Variants in EXOC1 observed in about 807,000 individuals in gnomAD.
EXOC1 encodes the protein SEC3-like 1.
In EXOC1, 67 loss-of-function variants were observed where a neutral mutation model predicts 107.7. The ratio of observed to expected loss-of-function variants is 0.62; its 90% CI spans 0.51 to 0.76. The LOEUF (loss-of-function observed/expected upper bound fraction) is 0.76, where lower values mean the gene tolerates loss of function less well. Ranked by LOEUF, EXOC1 falls within the 30% of genes least tolerant of loss-of-function variation. The probability of loss-of-function intolerance (pLI) is 0.00; values close to 1 mark genes in which losing one functional copy is unlikely to be tolerated. For missense variants in EXOC1, 833 were observed against 1,055.7 expected, an observed-to-expected ratio of 0.79 and a Z score of 2.92; for synonymous variants, 348 against 353.5, an observed-to-expected ratio of 0.98 and a Z score of 0.17.
chr4:55,883,987 A>G lies in EXOC1; in HGVS notation c.1330+59A>G, dbSNP rs937492305. On this transcript the variant is annotated intron_variant, in intron 10 of 18. Transcript: ENST00000381295. ...ATTAAAAATGGCTTTATTTATAACA[A>G]ATAATTCTAAGACTTCTTAAGCAAG... is the stretch of plus-strand genomic sequence containing the variant. 16 of 1,238,234 alleles carry G rather than the reference A, an allele frequency of 1.3e-5. No homozygotes were observed. In the African/African-American group the frequency reaches 2.3e-4, roughly 18 times the overall value. The allele number at this position is 1,238,234 out of a possible 1,614,324, so 76.7% of individuals were successfully genotyped here. A position where few individuals can be genotyped will look rare whatever the true frequency, so the allele number is the denominator to read the frequency against.
At chr4:55,879,294 C>A (rs1370974984) in intron 9 of EXOC1, among the ~76,000 whole-genome samples, 2 of 152,114 alleles carry the variant, frequency 1.3e-5, no homozygotes, top group Non-Finnish European at 2.9e-5. Context: ...GCTGAGTGTT[C>A]TAGAGAAAAT....
At chr4:55,855,327 G>A (rs77067179) in intron 1 of EXOC1, among the ~76,000 whole-genome samples, 1 of 152,148 alleles carries the variant, frequency 6.6e-6, no homozygotes. Flanking sequence ...GGGGGAAATC[G>A]CAGAATGTGG....
At chr4:55,866,896 C>T (rs904561182) in intron 4 of EXOC1, 1 of 984,964 alleles carries the variant, frequency 1.0e-6, no homozygotes, top group Non-Finnish European at 1.2e-6. Flanking sequence ...ACAGAAGGTG[C>T]GTAACACCTT....
intron 18 of EXOC1, 118 bp downstream of exon 18, chr4:55,902,656 A>G: frequency 1.5e-6 from 1 of 677,332 alleles, no homozygotes; most frequent in Non-Finnish European, 2.2e-6. Context: ...ATTAGAGTAC[A>G]GACCAGATTA....
intron 15 of EXOC1, among the ~76,000 whole-genome samples, chr4:55,894,217 C>A (rs903893852): frequency 6.6e-6 from 1 of 151,538 alleles, no homozygotes; most frequent in Admixed American, 6.6e-5. Flanking sequence ...TCCAACTACT[C>A]GGGAGGCTGA....
rs1420701796 is a variant in EXOC1 at position 55,904,294 on chromosome 4, T to C, written c.2533-49T>C. On this transcript the variant is annotated intron_variant, in intron 18 of 18. Coordinates refer to ENST00000381295, the MANE Select transcript of EXOC1 (RefSeq NM_001024924.2). ...TTGGCATTATTTCTGCATACTAGAT[T>C]ACATATTATTTCCATTCATAGCCTA... 5 of 1,531,476 alleles carry C rather than the reference T, an allele frequency of 3.3e-6. No homozygotes were observed. The South Asian group carries it at 6.4e-5, about 20-fold the overall frequency. The allele number at this position is 1,531,476 out of a possible 1,614,324, so 94.9% of individuals were successfully genotyped here. A position where few individuals can be genotyped will look rare whatever the true frequency, so the allele number is the denominator to read the frequency against.
chr4:55,861,819 C>T (rs961626618), intron 3 of EXOC1, among the ~76,000 whole-genome samples: 15 of 152,166 alleles, frequency 9.9e-5, no homozygotes, highest in African/African-American at 2.7e-4. Context: ...TTTGGGAGGC[C>T]GAGGCTGGTG....
intron 3 of EXOC1, among the ~76,000 whole-genome samples, chr4:55,862,002 C>T (rs1721520899): frequency 2.0e-5 from 3 of 151,830 alleles, no homozygotes; most frequent in Admixed American, 6.6e-5. Context: ...TGCAGTGAGC[C>T]GAGATTGCGC....
In EXOC1 at chr4:55,883,576, G is replaced by T. The variant is rs148347192; in HGVS notation, c.1225-247G>T. 2.3e-5 allele frequency: 7 copies of T among 305,342 alleles called. No homozygotes were observed. The South Asian group carries it at 2.5e-4, about 11-fold the overall frequency. 18.9% of individuals were successfully genotyped at this position (305,342 alleles called of 1,614,324 possible). ...CAGTGATATTTAAAATATGCAAAAG[G>T]TAATATAGAAAAATGAAAATATAAA... On this transcript the variant is annotated intron_variant, in intron 9 of 18. Coordinates refer to ENST00000381295, the MANE Select transcript of EXOC1 (RefSeq NM_001024924.2).
At chr4:55,892,592 T>C in intron 13 of EXOC1, 43 bp from the exon 14 acceptor site, 1 of 1,553,098 alleles carries the variant, frequency 6.4e-7, no homozygotes, top group South Asian at 1.1e-5. Context: ...CTAGTCAAAT[T>C]GTTGGTCTTT....
At chr4:55,892,389 G>A (rs959233066) in intron 13 of EXOC1, among the ~76,000 whole-genome samples, 11 of 152,034 alleles carry the variant, frequency 7.2e-5, no homozygotes, top group African/African-American at 2.4e-4. Flanking sequence ...CCCCTCAGGT[G>A]CACACACAAA....
chr4:55,889,076 G>T, intron 11 of EXOC1, 144 bp downstream of exon 11: 1 of 706,466 alleles, frequency 1.4e-6, no homozygotes, highest in South Asian at 1.7e-5. Context: ...CAACATGATG[G>T]TAGTGATATG....
intron 1 of EXOC1, among the ~76,000 whole-genome samples, 173 bp downstream of exon 1, chr4:55,854,126 G>A (rs1487125688): frequency 6.6e-6 from 1 of 152,148 alleles, no homozygotes; most frequent in Non-Finnish European, 1.5e-5. Context: ...TCCAGGAGAG[G>A]AGAGCGTGAC....
chr4:55,878,166 A>C, intron 9 of EXOC1, 100 bp downstream of exon 9: 1 of 1,322,998 alleles, frequency 7.6e-7, no homozygotes, highest in Admixed American at 2.4e-5. Flanking sequence ...ACTGTAGTAC[A>C]TTCTTAGCAA....
At chr4:55,854,335 G>A (rs1016853964) in intron 1 of EXOC1, among the ~76,000 whole-genome samples, 1 of 152,160 alleles carries the variant, frequency 6.6e-6, no homozygotes, top group East Asian at 1.9e-4. Flanking sequence ...CAGGCTATTT[G>A]TCACACAGTG....
chr4:55,867,849 A>G (rs1363382985), intron 4 of EXOC1, among the ~76,000 whole-genome samples: 3 of 152,196 alleles, frequency 2.0e-5, no homozygotes, highest in African/African-American at 2.4e-5. Context: ...ATTAAAAAGT[A>G]TTTGGCAAAA....
chr4:55,854,260 A>G (rs894613499), intron 1 of EXOC1, among the ~76,000 whole-genome samples: 6 of 141,362 alleles, frequency 4.2e-5, no homozygotes, highest in Non-Finnish European at 9.0e-5. Context: ...CTAGATGGCA[A>G]TGCTTCATGC....
intron 8 of EXOC1, chr4:55,877,106 A>G: frequency 1.0e-6 from 1 of 976,326 alleles, no homozygotes. Flanking sequence ...AGGTGAAAGA[A>G]ATCCCTTTTA....
In EXOC1 at chr4:55,888,900, G is replaced by A. The variant is rs1232404180; in HGVS notation, c.1343G>A (p.Arg448Gln). The change falls in exon 11 of 19, where the codon CGA becomes CAA. Residue 448 changes from arginine (R) to glutamine (Q), a missense_variant. By Grantham distance (43) the Arg-to-Gln change is conservative (BLOSUM62 1). Transcript: ENST00000381295. ...TAATCCATCACAGCTACACTGCCTC[G>A]AAAAGAAAGTGCTGTCAAACAGGAA... ...KESKKFATLP[R>Q]KESAVKQETE... is the part of the protein sequence containing the mutation. 4 of 1,613,516 alleles carry A rather than the reference G, an allele frequency of 2.5e-6. No homozygotes were observed. Among genetic ancestry groups the A allele is most frequent in the African/African-American group, 1.3e-5 (1 of 74,998 alleles).
Sources: gnomAD v4.1 joint callset for allele counts (sites outside exome capture counted in the v4.1 genomes callset) on GRCh38, gnomAD v4.1.1 for gene constraint, MANE v1.5 for transcripts, NCBI Gene and HGNC (gene_info 2026-07-23, HGNC 2026-07-21) for gene names.